The following POLR1A variants were observed in gnomAD, a reference collection of about 807,000 sequenced individuals.
The protein encoded by POLR1A is DNA-directed RNA polymerase I subunit RPA1.
POLR1A carries 84 observed loss-of-function variants against 205.3 expected under a neutral mutation model. The observed-to-expected ratio is 0.41, with a 90% CI of 0.34 to 0.49. The LOEUF (loss-of-function observed/expected upper bound fraction) is 0.49. Ranked by LOEUF, POLR1A falls within the 20% of genes least tolerant of loss-of-function variation. POLR1A has a pLI of 0.22. For synonymous variants in POLR1A, 799 were observed against 863.7 expected (o/e 0.93, Z 1.31); for missense variants, 1,645 against 2,204.5 (o/e 0.75, Z 5.08).
intron 13 of POLR1A, among the ~76,000 whole-genome samples, chr2:86,066,966 TCA>T (rs1353483081): frequency 1.4e-4 from 21 of 152,218 alleles, no homozygotes; most frequent in Admixed American, 1.1e-3. Context: ...TTGACTCATC[TCA>T]CAGTCTTTGG....
At chr2:86,093,076 C>G (rs1458903048) in intron 3 of POLR1A, among the ~76,000 whole-genome samples, 2 of 152,130 alleles carry the variant, frequency 1.3e-5, no homozygotes, top group Non-Finnish European at 2.9e-5. Flanking sequence ...GAGTCATTCA[C>G]CATGTTAGCT....
chr2:86,074,774 T>C (rs1211515059), intron 12 of POLR1A, among the ~76,000 whole-genome samples: 1 of 152,172 alleles, frequency 6.6e-6, no homozygotes, highest in East Asian at 1.9e-4. Context: ...TGGGGGGATG[T>C]GCATTGCTCA....
At chr2:86,053,408 C>T (rs1472451974) in intron 15 of POLR1A, among the ~76,000 whole-genome samples, 4 of 152,128 alleles carry the variant, frequency 2.6e-5, no homozygotes, top group Non-Finnish European at 4.4e-5. Context: ...CCTGAAGTGG[C>T]GAGCTTCAAC....
rs1558758383 is a variant in POLR1A at position 86,024,809 on chromosome 2, GTGGCTAGCTAA to G, written c.*2603_*2613del. On this transcript the variant is annotated 3_prime_UTR_variant, in exon 34 of 34. Transcript: ENST00000263857. ...GCAAGGTGAGAAGGATGTCCAAACAGTGGCTAGCTAATGGCATCTGAGGATTCTGAAAGAAC... is the reference window on the plus strand; with the variant it reads ...GCAAGGTGAGAAGGATGTCCAAACAGTGGCATCTGAGGATTCTGAAAGAAC... 1 of 152,246 alleles carries G rather than the reference GTGGCTAGCTAA, an allele frequency of 6.6e-6. No individual in the cohort carries two copies. Among genetic ancestry groups the G allele is most frequent in the African/African-American group, 2.4e-5 (1 of 41,456 alleles). 9.4% of individuals were successfully genotyped at this position (152,246 alleles called of 1,614,324 possible). A position where few individuals can be genotyped will look rare whatever the true frequency, so the allele number is the denominator to read the frequency against.
intron 2 of POLR1A, among the ~76,000 whole-genome samples, chr2:86,099,189 T>G (rs1673765821): frequency 6.6e-6 from 1 of 151,892 alleles, no homozygotes; most frequent in African/African-American, 2.4e-5. Context: ...CTCCCGTAAT[T>G]TTTGTAAAAA....
At chr2:86,034,395 A>G (rs891496242) in intron 27 of POLR1A, among the ~76,000 whole-genome samples, 2 of 152,216 alleles carry the variant, frequency 1.3e-5, no homozygotes, top group Admixed American at 6.5e-5. Context: ...GCTCATCAAA[A>G]TTTCGAAGGG....
In POLR1A at chr2:86,043,021, T is replaced by C; in HGVS notation, c.3310A>G (p.Lys1104Glu). The C allele has an allele frequency of 6.2e-7, 1 of 1,614,206 alleles. No individual in the cohort carries two copies. The highest frequency in any genetic ancestry group is 8.5e-7 in the Non-Finnish European group (1 of 1,180,040). ...CCATTGCGGTTTTCACTCTCAAGTT[T>C]CAGGGCTTTCACAGCTTCCTGAATT... ...QKIQEAVKAL[K>E]LESENRNGRS... Residue 1104 changes from lysine to glutamate, a missense_variant, in exon 23 of 34, where the codon AAA becomes GAA. Physicochemically the swap from Lys to Glu is moderately conservative, Grantham distance 56 (BLOSUM62 1). Around this residue, in one of 16 missense-constraint regions of POLR1A, gnomAD observed 201 missense variants for 222.3 expected, o/e 0.90. Transcript: ENST00000263857.
rs779425732 is a variant in POLR1A at position 86,032,395 on chromosome 2, G to C, written c.4162-13C>G. On this transcript the variant is annotated splice_polypyrimidine_tract_variant and intron_variant, in intron 28 of 33. Transcript: ENST00000263857. ...CCTCCTGCTCTCCCTGTGGTTTGTG[G>C]GCAAGGAAGAAAAAGATTAACTCCA... The C allele has an allele frequency of 1.1e-5, 18 of 1,577,268 alleles. No homozygotes were observed. Among genetic ancestry groups the C allele is most frequent in the Non-Finnish European group, 1.4e-5 (16 of 1,146,630 alleles).
At chr2:86,043,425 G>A (rs1672653332) in intron 22 of POLR1A, among the ~76,000 whole-genome samples, 1 of 152,130 alleles carries the variant, frequency 6.6e-6, no homozygotes, top group African/African-American at 2.4e-5. Context: ...GGGAGCAGAG[G>A]GAGACACAGG....
chr2:86,092,407 G>A (rs564529249), intron 3 of POLR1A, among the ~76,000 whole-genome samples: 29 of 152,364 alleles, frequency 1.9e-4, no homozygotes, highest in Admixed American at 1.0e-3. Flanking sequence ...TTGAGCAGTC[G>A]TCTGTCATGT....
intron 21 of POLR1A, 63 bp from the exon 22 acceptor site, chr2:86,044,367 G>A (rs768716414): frequency 2.5e-6 from 4 of 1,579,440 alleles, no homozygotes; most frequent in South Asian, 2.2e-5. Context: ...AGCCTCTGAT[G>A]AGGGTTGGGG....
chr2:86,063,434 G>A (rs915728746), intron 14 of POLR1A, among the ~76,000 whole-genome samples: 1 of 149,816 alleles, frequency 6.7e-6, no homozygotes, highest in Non-Finnish European at 1.5e-5. Context: ...ACACATTTAA[G>A]GAATAAATAA....
chr2:86,086,337 C>A (rs75575099), intron 6 of POLR1A, among the ~76,000 whole-genome samples: 1 of 152,154 alleles, frequency 6.6e-6, no homozygotes, highest in African/African-American at 2.4e-5. Context: ...CCGCCTGACT[C>A]GGCCTCCCGA....
intron 9 of POLR1A, among the ~76,000 whole-genome samples, chr2:86,079,553 A>C (rs1673358454): frequency 6.6e-6 from 1 of 151,916 alleles, no homozygotes; most frequent in Non-Finnish European, 1.5e-5. Context: ...AAAGGGGACG[A>C]CCAATTTTTC....
intron 27 of POLR1A, among the ~76,000 whole-genome samples, chr2:86,036,600 C>T (rs1180592785): frequency 6.6e-6 from 1 of 152,176 alleles, no homozygotes; most frequent in Non-Finnish European, 1.5e-5. Flanking sequence ...CACACTTCCT[C>T]CCATTTCCTG....
chr2:86,070,240 C>A lies in POLR1A; in HGVS notation c.1644G>T (p.Leu548=), dbSNP rs1377718822. ...GCAGTGTGGGCTGTCGGTTCAGTAGCAGAATGTCCCCATTCTTCACATGCC... is the reference window on the plus strand; with the variant it reads ...GCAGTGTGGGCTGTCGGTTCAGTAGAAGAATGTCCCCATTCTTCACATGCC... ...VCRHVKNGDI[L]LLNRQPTLHR... The change falls in exon 13 of 34, where the codon CTG becomes CTT. Residue 548 remains leucine, a synonymous_variant. Transcript: ENST00000263857. The surrounding 1 kb of genome is among the most constrained non-coding windows in gnomAD (Gnocchi z 4.4). The A allele has an allele frequency of 6.8e-6, 11 of 1,612,776 alleles. No homozygotes were observed. Among genetic ancestry groups the A allele is most frequent in the Non-Finnish European group, 9.3e-6 (11 of 1,178,986 alleles).
chr2:86,078,456 C>T (rs1489923036), intron 9 of POLR1A, among the ~76,000 whole-genome samples, 172 bp from the exon 10 acceptor site: 1 of 152,208 alleles, frequency 6.6e-6, no homozygotes, highest in Non-Finnish European at 1.5e-5. Flanking sequence ...CTTGTAAGTA[C>T]ATGTCAATAA....
At chr2:86,037,697 G>T (rs1336824064) in intron 27 of POLR1A, among the ~76,000 whole-genome samples, 3 of 152,240 alleles carry the variant, frequency 2.0e-5, no homozygotes, top group Non-Finnish European at 4.4e-5. Flanking sequence ...AACCATCTGG[G>T]CCTTACTGGG....
At chr2:86,054,049 T>A in intron 15 of POLR1A, 91 bp downstream of exon 15, 1 of 1,277,440 alleles carries the variant, frequency 7.8e-7, no homozygotes, top group Non-Finnish European at 1.1e-6. Context: ...CCTGCTTCTG[T>A]GAATGTGCCT....
Sources: allele counts gnomAD v4.1 joint callset (sites outside exome capture counted in the v4.1 genomes callset), GRCh38; gene constraint gnomAD v4.1.1; regional missense constraint gnomAD v4.1.1; non-coding constraint Gnocchi (gnomAD v3.1); transcripts MANE v1.5; gene names NCBI Gene and HGNC (gene_info 2026-07-23, HGNC 2026-07-21).